MROH7: variants seen among roughly 807,000 people sequenced by gnomAD.
MROH7 encodes the protein maestro heat like repeat family member 7.
Under a neutral mutation model 129.2 loss-of-function variants are expected in MROH7, and 113 were observed. The observed-to-expected ratio is 0.87, with a 90% confidence interval of 0.75 to 1.02. The LOEUF (loss-of-function observed/expected upper bound fraction) is 1.02. Among genes scored for constraint, MROH7 ranks in the 50% least tolerant of loss-of-function variants. The pLI is 0.00. For synonymous variants in MROH7, 655 were observed against 667.9 expected (o/e 0.98, Z 0.30); for missense variants, 1,601 against 1,671.3 (o/e 0.96, Z 0.73).
Position 54,695,413 on chromosome 1 carries a change from A to G in MROH7, c.2887A>G (p.Ile963Val). The change falls in exon 17 of 24, where the codon ATC (isoleucine) becomes GTC (valine). Residue 963 changes from isoleucine (I) to valine (V), a missense_variant. By Grantham distance (29) the Ile-to-Val change is conservative. Coordinates refer to ENST00000421030, the MANE Select transcript of MROH7 (RefSeq NM_001039464.4). The stretch of plus-strand genomic sequence containing the variant: ...GTACTCCTGCCAGGAGCTGTGCCGC[A>G]TCCTCTACCTGCTCATCCCGCTCCT... Reference protein sequence around the residue: ...VQYSCQELCRILYLLIPLLER... With the variant: ...VQYSCQELCRVLYLLIPLLER... 6.2e-7 allele frequency: 1 copy of G among 1,613,600 alleles called. No homozygotes were observed. Among genetic ancestry groups the G allele is most frequent in the Non-Finnish European group, 8.5e-7 (1 of 1,179,800 alleles).
At position 54,702,758 on chromosome 1, in the gene MROH7, AG is replaced by A. The variant is rs1452763386; in HGVS notation, c.3564+14del. On this transcript the variant is annotated intron_variant, in intron 21 of 23. Transcript: ENST00000421030. ...TTGCAAGTGCCTTGTGAGTGCTCCC[AG>A]AGAGTAGAGTGGTTCCTTACAAGCA... The A allele has an allele frequency of 6.2e-7, 1 of 1,609,598 alleles. No individual in the cohort carries two copies.
At chr1:54,682,374 G>A (rs928642991) in intron 13 of MROH7, among the ~76,000 whole-genome samples, 1 of 151,850 alleles carries the variant, frequency 6.6e-6, no homozygotes, top group African/African-American at 2.4e-5. Context: ...CACCATATTG[G>A]CCAGGCTGGT....
At chr1:54,672,154 TG>T (rs1409986251) in intron 7 of MROH7, among the ~76,000 whole-genome samples, 1 of 151,734 alleles carries the variant, frequency 6.6e-6, no homozygotes, top group Admixed American at 6.6e-5. Context: ...ACTGGGGTTG[TG>T]GGGGTGACTG....
At position 54,652,759 on chromosome 1, in the gene MROH7, C is replaced by G. The variant is rs146563662; in HGVS notation, c.-74-94C>G. The stretch of plus-strand genomic sequence containing the variant: ...GCACAGTCACCAGGGCCTTGTAAGT[C>G]ACAGCAAGGGGCTTTCATCTTAAGA... On this transcript the variant is annotated intron_variant, in intron 2 of 23. Transcript: ENST00000421030. 8.4e-5 allele frequency: 77 copies of G among 913,184 alleles called. No homozygotes were observed. In the African/African-American group the frequency reaches 1.2e-3, roughly 14 times the overall value. 56.6% of individuals were successfully genotyped at this position (913,184 alleles called of 1,614,324 possible).
intron 7 of MROH7, 94 bp from the exon 8 acceptor site, chr1:54,672,997 T>C (rs1644924487): frequency 1.2e-6 from 1 of 815,358 alleles, no homozygotes. Flanking sequence ...TGGGTCTTAA[T>C]TCCCCCTCCT....
intron 3 of MROH7, chr1:54,663,885 C>G (rs918799331): frequency 1.2e-5 from 5 of 414,620 alleles, no homozygotes; most frequent in Non-Finnish European, 2.4e-5. Flanking sequence ...GCTGTGTTCA[C>G]TACAATTGGT....
rs12038361 is a variant in MROH7, at chr1:54,686,865, A to T, written c.2711+417A>T. On this transcript the variant is annotated intron_variant, in intron 15 of 23. Coordinates refer to ENST00000421030, the MANE Select transcript of MROH7 (RefSeq NM_001039464.4). ...AAGCTTCCTTCCCTGTCCTTACCCCAGTTATGTTCCCAAAGACAACCAAGT... is the reference window on the plus strand; with the variant it reads ...AAGCTTCCTTCCCTGTCCTTACCCCTGTTATGTTCCCAAAGACAACCAAGT... Among the ~76,000 whole-genome samples, 5 of 152,296 alleles carry T rather than the reference A, an allele frequency of 3.3e-5. No homozygotes were observed. In the South Asian group the frequency reaches 8.3e-4, roughly 25 times the overall value.
At chr1:54,672,192 A>G (rs1462628280) in intron 7 of MROH7, among the ~76,000 whole-genome samples, 1 of 151,894 alleles carries the variant, frequency 6.6e-6, no homozygotes, top group African/African-American at 2.4e-5. Context: ...CTCTTGTAGT[A>G]TCAGATTTAG....
intron 14 of MROH7, among the ~76,000 whole-genome samples, chr1:54,683,891 T>C (rs992106695): frequency 1.1e-4 from 16 of 152,192 alleles, no homozygotes; most frequent in Admixed American, 3.9e-4. Context: ...CTGTACGTAG[T>C]ATATTTTGCG....
chr1:54,654,035 T>C lies in MROH7; in HGVS notation c.1109T>C (p.Leu370Pro), dbSNP rs1644602535. The change falls in exon 3 of 24, where the codon CTG (leucine) becomes CCG (proline). Residue 370 changes from leucine to proline, a missense_variant. Leu to Pro is a moderately conservative substitution (Grantham distance 98). Coordinates refer to ENST00000421030, the MANE Select transcript of MROH7 (RefSeq NM_001039464.4). Reference sequence around the variant, plus strand: ...GACAACAGCATCCACACTGTGCCCCTGGAGGAGAATCTGGAGAGTTGGAGT... The same window carrying C: ...GACAACAGCATCCACACTGTGCCCCCGGAGGAGAATCTGGAGAGTTGGAGT... ...AKDNSIHTVP[L>P]EENLESWSEM... The C allele has an allele frequency of 3.1e-6, 5 of 1,614,158 alleles. No individual in the cohort carries two copies. Among genetic ancestry groups the C allele is most frequent in the Non-Finnish European group, 4.2e-6 (5 of 1,180,026 alleles).
intron 10 of MROH7, among the ~76,000 whole-genome samples, chr1:54,675,185 AG>A (rs1266127375): frequency 1.3e-5 from 2 of 152,178 alleles, no homozygotes; most frequent in South Asian, 2.1e-4. Flanking sequence ...CATGTTGGCC[AG>A]GCTGGTCTCA....
At chr1:54,697,059 C>T (rs12116922) in intron 17 of MROH7, 28,248 of 152,058 alleles carry the variant, frequency 0.19, 2,928 homozygotes, top group South Asian at 0.29. Context: ...TGGCTGACAT[C>T]GTAAAACCCA....
At chr1:54,674,189 G>T in intron 10 of MROH7, 38 bp downstream of exon 10, 2 of 1,596,922 alleles carry the variant, frequency 1.3e-6, no homozygotes, top group South Asian at 1.1e-5. Flanking sequence ...GAAGTCTTCT[G>T]AGTTGTTGCT....
rs201651654 is a variant in MROH7, at chr1:54,674,111, C to T, written c.1896C>T (p.Asp632=). ...PDEEIGCEAL[D]GIIILYTILE... is the part of the protein sequence containing the mutation. Reference sequence around the variant, plus strand: ...AGGAGATTGGCTGTGAGGCTCTGGACGGCATCATCATCCTCTACACTATTC... The same window carrying T: ...AGGAGATTGGCTGTGAGGCTCTGGATGGCATCATCATCCTCTACACTATTC... The change falls in exon 10 of 24, where the codon GAC becomes GAT. Residue 632 remains aspartate (D), a synonymous_variant. Coordinates refer to ENST00000421030, the MANE Select transcript of MROH7 (RefSeq NM_001039464.4). The T allele has an allele frequency of 1.3e-3, 2,075 of 1,613,954 alleles. 4 individuals are homozygous for T. The highest frequency in any genetic ancestry group is 1.7e-3 in the Admixed American group (100 of 60,008).
rs937813251 is a variant in MROH7, at chr1:54,675,967, AGAAAG to A, written c.1936+1821_1936+1825del. ...GCTCATTTAAAAAAGAAAGAAAGAAAGAAAGGAAAATGAGTAGAAATTATAGACCC... is the reference window on the plus strand; with the variant it reads ...GCTCATTTAAAAAAGAAAGAAAGAAAGAAAATGAGTAGAAATTATAGACCC... On this transcript the variant is annotated intron_variant, in intron 10 of 23. Transcript: ENST00000421030. 1.2e-3 allele frequency among the ~76,000 whole-genome samples: 189 copies of A among 152,224 alleles called. 1 individual carries two copies. Among genetic ancestry groups the A allele is most frequent in the African/African-American group, 4.5e-3 (185 of 41,542 alleles).
chr1:54,653,720 G>T lies in MROH7; in HGVS notation c.794G>T (p.Ser265Ile), dbSNP rs1466910190. The T allele has an allele frequency of 6.2e-7, 1 of 1,614,164 alleles. No individual in the cohort carries two copies. Among genetic ancestry groups the T allele is most frequent in the South Asian group, 1.1e-5 (1 of 91,078 alleles). The change falls in exon 3 of 24, where the codon AGT (serine) becomes ATT (isoleucine). Residue 265 changes from serine to isoleucine, a missense_variant. Transcript: ENST00000421030. Reference sequence around the variant, plus strand: ...GAGTCTGTTTCAAAAGGAGCCTTTAGTACCACCTGGAGCACAAGTTCAAAG... The same window carrying T: ...GAGTCTGTTTCAAAAGGAGCCTTTATTACCACCTGGAGCACAAGTTCAAAG... ...ISESVSKGAF[S>I]TTWSTSSKET...
intron 10 of MROH7, 73 bp downstream of exon 10, chr1:54,674,224 G>A: frequency 6.5e-7 from 1 of 1,535,556 alleles, no homozygotes; most frequent in Non-Finnish European, 8.8e-7. Context: ...TAAAGAATCA[G>A]CTGGAGCCTT....
In MROH7 at chr1:54,703,480, T is replaced by C. The variant is rs1292786821; in HGVS notation, c.3564+735T>C. ...ACATTCTCCTCTTGGAGATTTGCAA[T>C]GACATCAGGATACTAAAGGCTCTGA... On this transcript the variant is annotated intron_variant, in intron 21 of 23. Transcript: ENST00000421030. This position sits in a 1 kb window ranked among gnomAD's most constrained non-coding sequence, Gnocchi z 4.4. Among the ~76,000 whole-genome samples the C allele has an allele frequency of 2.0e-5, 3 of 152,158 alleles. No homozygotes were observed. The highest frequency in any genetic ancestry group is 7.2e-5 in the African/African-American group (3 of 41,438).
chr1:54,679,249 C>T lies in MROH7; in HGVS notation c.2050-14C>T, dbSNP rs746110291. 7.4e-6 allele frequency: 12 copies of T among 1,613,974 alleles called. No homozygotes were observed. Among genetic ancestry groups the T allele is most frequent in the Non-Finnish European group, 9.3e-6 (11 of 1,179,900 alleles). ...ACCCATCAGTGTGTCATGATCTCAGCACCTTTGTTTCAGGAATTTGGAGAC... is the reference window on the plus strand; with the variant it reads ...ACCCATCAGTGTGTCATGATCTCAGTACCTTTGTTTCAGGAATTTGGAGAC... On this transcript the variant is annotated splice_polypyrimidine_tract_variant and intron_variant, in intron 11 of 23. Transcript: ENST00000421030.
Sources: gnomAD v4.1 joint callset for allele counts (sites outside exome capture counted in the v4.1 genomes callset) on GRCh38, gnomAD v4.1.1 for gene constraint, Gnocchi (gnomAD v3.1) non-coding constraint, MANE v1.5 for transcripts, NCBI Gene and HGNC (gene_info 2026-07-23, HGNC 2026-07-21) for gene names.